DNAJC1: variants seen among roughly 807,000 people sequenced by gnomAD.
The protein encoded by DNAJC1 is DnaJ heat shock protein family (Hsp40) member C1.
A neutral mutation model predicts 76.6 loss-of-function variants in DNAJC1; 58 were observed. That is an observed-to-expected ratio of 0.76 (90% confidence interval 0.61 to 0.94). The LOEUF is 0.94. DNAJC1 is among the 40% of genes least tolerant of loss of function. The pLI is 0.00. For missense variants in DNAJC1, 689 were observed against 677.3 expected, an observed-to-expected ratio of 1.02 and a Z score of -0.19; for synonymous variants, 258 against 267.9, an observed-to-expected ratio of 0.96 and a Z score of 0.36.
chr10:21,838,646 T>C (rs930120474), intron 8 of DNAJC1, among the ~76,000 whole-genome samples: 1 of 151,580 alleles, frequency 6.6e-6, no homozygotes, highest in Non-Finnish European at 1.5e-5. Context: ...AAAAAAATAA[T>C]AATGGGAGAC....
chr10:21,832,161 C>T (rs1004906863), intron 8 of DNAJC1, among the ~76,000 whole-genome samples: 58 of 152,300 alleles, frequency 3.8e-4, no homozygotes, highest in African/African-American at 1.4e-3. Context: ...TTCATAACTG[C>T]TGACGTTTTG....
At chr10:21,943,491 G>A (rs1837454690) in intron 1 of DNAJC1, among the ~76,000 whole-genome samples, 1 of 152,084 alleles carries the variant, frequency 6.6e-6, no homozygotes. Context: ...CAATAGCAAT[G>A]TCAAATGAAC....
chr10:21,957,507 G>A (rs1837709760), intron 1 of DNAJC1, among the ~76,000 whole-genome samples: 1 of 151,998 alleles, frequency 6.6e-6, no homozygotes, highest in Admixed American at 6.6e-5. Flanking sequence ...TAATGTTATA[G>A]CTCCACTGAG....
intron 7 of DNAJC1, among the ~76,000 whole-genome samples, chr10:21,895,279 C>T (rs1013168924): frequency 2.0e-5 from 3 of 151,980 alleles, no homozygotes; most frequent in Non-Finnish European, 4.4e-5. Flanking sequence ...TCAGAATGCT[C>T]GTAGAAATAT....
intron 6 of DNAJC1, among the ~76,000 whole-genome samples, chr10:21,904,959 T>C (rs1836718301): frequency 6.6e-6 from 1 of 152,124 alleles, no homozygotes. Context: ...TTTGGCACAG[T>C]AAATTATATT....
chr10:21,883,779 G>A lies in DNAJC1; in HGVS notation c.821-1340C>T, dbSNP rs989875742. 3.3e-5 allele frequency among the ~76,000 whole-genome samples: 5 copies of A among 152,232 alleles called. No individual in the cohort carries two copies. In the South Asian group the frequency reaches 6.2e-4, roughly 19 times the overall value. ...CAGCATTATGAGGGAGTATCCTACCGCATATTGCTAGTCCAGGAAAAGATT... is the reference window on the plus strand; with the variant it reads ...CAGCATTATGAGGGAGTATCCTACCACATATTGCTAGTCCAGGAAAAGATT... On this transcript the variant is annotated intron_variant, in intron 7 of 11. Transcript: ENST00000376980.
intron 1 of DNAJC1, among the ~76,000 whole-genome samples, chr10:21,990,433 T>C (rs916046514): frequency 2.7e-4 from 41 of 152,212 alleles, no homozygotes; most frequent in South Asian, 4.1e-4. Context: ...CCCTTGTGCA[T>C]TTTATTTTAA....
chr10:21,757,145 G>A (rs1024879971), intron 11 of DNAJC1, among the ~76,000 whole-genome samples: 3 of 152,130 alleles, frequency 2.0e-5, no homozygotes, highest in East Asian at 1.9e-4. Context: ...GTCTTCTTCC[G>A]TGGGTCTGGC....
chr10:21,892,616 A>G (rs1836478178), intron 7 of DNAJC1, among the ~76,000 whole-genome samples: 1 of 152,058 alleles, frequency 6.6e-6, no homozygotes, highest in South Asian at 2.1e-4. Flanking sequence ...TTACATATAT[A>G]TATATATGCT....
intron 9 of DNAJC1, among the ~76,000 whole-genome samples, chr10:21,768,027 C>T (rs1239887480): frequency 6.6e-6 from 1 of 152,024 alleles, no homozygotes; most frequent in Non-Finnish European, 1.5e-5. Context: ...ATTCCTATTA[C>T]TCCAGAAAGT....
At position 21,756,662 on chromosome 10, in the gene DNAJC1, A is replaced by C; in HGVS notation, c.*25T>G. On this transcript the variant is annotated 3_prime_UTR_variant, in exon 12 of 12. Transcript: ENST00000376980. ...TTAAGATATTCATTTTGGAAAATGAAGGTGAACATCATCTCCCAGAATATT... is the reference window on the plus strand; with the variant it reads ...TTAAGATATTCATTTTGGAAAATGACGGTGAACATCATCTCCCAGAATATT... 6.4e-7 allele frequency: 1 copy of C among 1,562,072 alleles called. No homozygotes were observed. The highest frequency in any genetic ancestry group is 8.8e-7 in the Non-Finnish European group (1 of 1,133,604).
At chr10:21,938,464 TTTTTA>T (rs1159327477) in intron 1 of DNAJC1, among the ~76,000 whole-genome samples, 1 of 152,128 alleles carries the variant, frequency 6.6e-6, no homozygotes. Flanking sequence ...CAAGCGAAAT[TTTTTA>T]TTTTATTTTT....
rs576328542 is a variant in DNAJC1, at chr10:22,003,680, C to T, written c.-246G>A. 3.0e-5 allele frequency: 12 copies of T among 396,484 alleles called. No individual in the cohort carries two copies. Among genetic ancestry groups the T allele is most frequent in the Admixed American group, 4.7e-5 (1 of 21,484 alleles). 24.6% of individuals were successfully genotyped at this position (396,484 alleles called of 1,614,324 possible). ...GCTACGTTCCGAAGACCCTCGCCCC[C>T]AGGCCTACACACAGCTGTAGAGGCA... On this transcript the variant is annotated 5_prime_UTR_variant, in exon 1 of 12. Transcript: ENST00000376980.
chr10:21,803,401 A>T (rs760757842), intron 9 of DNAJC1, among the ~76,000 whole-genome samples: 2 of 152,156 alleles, frequency 1.3e-5, no homozygotes, highest in African/African-American at 2.4e-5. Context: ...ATGAAAACAA[A>T]TCTAATTAAC....
chr10:21,945,654 T>G (rs1837492001), intron 1 of DNAJC1, among the ~76,000 whole-genome samples: 1 of 152,174 alleles, frequency 6.6e-6, no homozygotes, highest in Non-Finnish European at 1.5e-5. Context: ...TTATAGATCT[T>G]GGCCATATAT....
intron 10 of DNAJC1, among the ~76,000 whole-genome samples, chr10:21,761,549 TAAA>T (rs369792978): frequency 2.3e-5 from 3 of 131,476 alleles, no homozygotes; most frequent in Non-Finnish European, 3.2e-5. Flanking sequence ...AGACTCCGTC[TAAA>T]AAAAAAAAAA....
chr10:21,799,936 T>C (rs889831139), intron 9 of DNAJC1, among the ~76,000 whole-genome samples: 1 of 152,174 alleles, frequency 6.6e-6, no homozygotes, highest in African/African-American at 2.4e-5. Context: ...GAGGGACCTG[T>C]GTCATTCCAA....
intron 3 of DNAJC1, among the ~76,000 whole-genome samples, chr10:21,921,355 T>C (rs1030747807): frequency 2.6e-5 from 4 of 151,988 alleles, no homozygotes; most frequent in East Asian, 1.9e-4. Flanking sequence ...TAAGAGCTGT[T>C]TGTTACCGTG....
chr10:21,958,220 T>C (rs1246180604), intron 1 of DNAJC1, among the ~76,000 whole-genome samples: 1 of 152,172 alleles, frequency 6.6e-6, no homozygotes, highest in African/African-American at 2.4e-5. Flanking sequence ...TCCAAATGAT[T>C]GAGAAATGAA....
Sources: gnomAD v4.1 joint callset for allele counts (sites outside exome capture counted in the v4.1 genomes callset) on GRCh38, gnomAD v4.1.1 for gene constraint, MANE v1.5 for transcripts, NCBI Gene and HGNC (gene_info 2026-07-23, HGNC 2026-07-21) for gene names.